Variants in LYRM4 observed in about 807,000 individuals in gnomAD.
The protein encoded by LYRM4 is LYR motif-containing protein 4.
LYRM4 carries 9 observed loss-of-function variants against 11.7 expected under a neutral mutation model. The observed-to-expected ratio is 0.77, with a 90% CI of 0.46 to 1.34. The LOEUF is 1.34. Ranked by LOEUF, LYRM4 falls within the 40% of genes most tolerant of loss-of-function variation. LYRM4 has a pLI of 0.00. For synonymous variants in LYRM4, 42 were observed against 40.4 expected (o/e 1.04, Z -0.15); for missense variants, 133 against 112.5 (o/e 1.18, Z -0.82).
chr6:5,072,400 A>G, the LYRM4 span, among the ~76,000 whole-genome samples: 8 of 152,280 alleles, frequency 5.3e-5, no homozygotes, highest in East Asian at 1.5e-3. Context: ...AGGAATCGCC[A>G]CACTGTCTTC....
Position 5,260,884 on chromosome 6 carries a change from A to G in LYRM4, c.-151T>C. ...GGGCCGGGCCTAAGCCTAAGCGGGC[A>G]GCCCTGCGGATCGCGGACGGCGCCA... is the stretch of plus-strand genomic sequence containing the variant. On this transcript the variant is annotated 5_prime_UTR_variant, in exon 1 of 3. Transcript: ENST00000330636. 1 of 1,411,312 alleles carries G rather than the reference A, an allele frequency of 7.1e-7. No individual in the cohort carries two copies. The highest frequency in any genetic ancestry group is 9.2e-7 in the Non-Finnish European group (1 of 1,089,568). 87.4% of individuals were successfully genotyped at this position (1,411,312 alleles called of 1,614,324 possible). A position where few individuals can be genotyped will look rare whatever the true frequency, so the allele number is the denominator to read the frequency against.
chr6:5,212,259 TCTAA>T (rs1352152449), intron 2 of LYRM4, among the ~76,000 whole-genome samples: 9 of 152,222 alleles, frequency 5.9e-5, no homozygotes, highest in African/African-American at 1.7e-4. Flanking sequence ...TGATAGTTAT[TCTAA>T]CTAACGCCTT....
chr6:5,191,362 T>A (rs996089880), intron 2 of LYRM4, among the ~76,000 whole-genome samples: 3 of 152,160 alleles, frequency 2.0e-5, no homozygotes, highest in African/African-American at 7.2e-5. Context: ...AGGGAAGCAA[T>A]CTGAAGTCCT....
chr6:5,141,024 C>A (rs1361456883), intron 2 of LYRM4, among the ~76,000 whole-genome samples: 2 of 152,178 alleles, frequency 1.3e-5, no homozygotes, highest in Non-Finnish European at 2.9e-5. Context: ...ACTACCACTA[C>A]CTTATGGTTA....
intron 2 of LYRM4, among the ~76,000 whole-genome samples, chr6:5,175,745 G>C (rs1021236482): frequency 2.0e-5 from 3 of 152,184 alleles, no homozygotes; most frequent in African/African-American, 7.2e-5. Flanking sequence ...TTCCAAGGCT[G>C]TTTCACAAAA....
chr6:5,197,531 T>C (rs1034261890), intron 2 of LYRM4, among the ~76,000 whole-genome samples: 1 of 151,360 alleles, frequency 6.6e-6, no homozygotes, highest in African/African-American at 2.4e-5. Flanking sequence ...AAAAATTAGC[T>C]GGGCATGGTG....
At chr6:5,132,495 G>A (rs138649284) in intron 2 of LYRM4, among the ~76,000 whole-genome samples, 6 of 152,130 alleles carry the variant, frequency 3.9e-5, no homozygotes, top group Non-Finnish European at 5.9e-5. Flanking sequence ...CATTTTAAAC[G>A]AAAATCCCAT....
intron 1 of LYRM4, among the ~76,000 whole-genome samples, chr6:5,219,273 A>T (rs1762447134): frequency 6.6e-6 from 1 of 152,242 alleles, no homozygotes; most frequent in African/African-American, 2.4e-5. Flanking sequence ...AACTGAGCTC[A>T]AGGCCCAGGG....
At chr6:5,210,872 C>A (rs945633537) in intron 2 of LYRM4, among the ~76,000 whole-genome samples, 1 of 152,082 alleles carries the variant, frequency 6.6e-6, no homozygotes, top group Non-Finnish European at 1.5e-5. Context: ...GAATAATATT[C>A]TATTGTATGT....
intron 2 of LYRM4, among the ~76,000 whole-genome samples, chr6:5,156,390 G>A (rs1184648703): frequency 1.3e-5 from 2 of 152,246 alleles, no homozygotes; most frequent in African/African-American, 2.4e-5. Context: ...CCCATGGTAT[G>A]TATGTGTGCA....
intron 2 of LYRM4, among the ~76,000 whole-genome samples, chr6:5,148,808 G>A (rs1451333771): frequency 6.6e-6 from 1 of 152,084 alleles, no homozygotes; most frequent in African/African-American, 2.4e-5. Context: ...TGGAATAACT[G>A]CTAATTAAAT....
At chr6:5,158,580 G>A (rs1581402723) in intron 2 of LYRM4, among the ~76,000 whole-genome samples, 1 of 151,450 alleles carries the variant, frequency 6.6e-6, no homozygotes, top group South Asian at 2.1e-4. Context: ...GGGCTTAAGC[G>A]ATTCTCCCAC....
At chr6:5,183,440 C>T (rs1240148973) in intron 2 of LYRM4, among the ~76,000 whole-genome samples, 1 of 152,162 alleles carries the variant, frequency 6.6e-6, no homozygotes. Context: ...TAAATGGTAA[C>T]TGCTATTATT....
chr6:5,094,553 A>G, the LYRM4 span, among the ~76,000 whole-genome samples: 2 of 152,234 alleles, frequency 1.3e-5, no homozygotes, highest in African/African-American at 4.8e-5. Flanking sequence ...AATATTAGGG[A>G]TGACTAACAG....
the LYRM4 span, among the ~76,000 whole-genome samples, chr6:5,069,490 GT>G: frequency 1.3e-5 from 2 of 149,024 alleles, no homozygotes; most frequent in African/African-American, 4.9e-5. Context: ...ATATTTTTTT[GT>G]TTTTTGTTTT....
chr6:5,214,482 AAGGGGTTGAACGGGGC>A, intron 2 of LYRM4, among the ~76,000 whole-genome samples: 1 of 152,146 alleles, frequency 6.6e-6, no homozygotes, highest in African/African-American at 2.4e-5. Flanking sequence ...AAGAGCCTTG[AAGGGGTTGAACGGGGC>A]AGTGGCCCGA....
chr6:5,128,296 C>A (rs1763787440), intron 2 of LYRM4, among the ~76,000 whole-genome samples: 1 of 152,182 alleles, frequency 6.6e-6, no homozygotes, highest in African/African-American at 2.4e-5. Context: ...ATCCTGGAAG[C>A]AGGGCACCCA....
chr6:5,260,859 G>T lies in LYRM4; in HGVS notation c.-126C>A. On this transcript the variant is annotated 5_prime_UTR_variant, in exon 1 of 3. Transcript: ENST00000330636. ...AATGCTGCGGCTCGGCTTTGCCAGC[G>T]GGCCGGGCCTAAGCCTAAGCGGGCA... 6.7e-7 allele frequency: 1 copy of T among 1,486,870 alleles called. No individual in the cohort carries two copies. The highest frequency in any genetic ancestry group is 8.9e-7 in the Non-Finnish European group (1 of 1,124,504). 92.1% of individuals were successfully genotyped at this position (1,486,870 alleles called of 1,614,324 possible). A position where few individuals can be genotyped will look rare whatever the true frequency, so the allele number is the denominator to read the frequency against.
intron 1 of LYRM4, among the ~76,000 whole-genome samples, chr6:5,242,859 C>T (rs1253682984): frequency 6.6e-6 from 1 of 150,598 alleles, no homozygotes; most frequent in Non-Finnish European, 1.5e-5. Context: ...CTGCAAGCTC[C>T]GCTTCCCAGG....
Sources: gnomAD v4.1 joint callset for allele counts (sites outside exome capture counted in the v4.1 genomes callset) on GRCh38, gnomAD v4.1.1 for gene constraint, MANE v1.5 for transcripts, NCBI Gene and HGNC (gene_info 2026-07-23, HGNC 2026-07-21) for gene names.